The following ARID1A variants were observed in gnomAD, a reference collection of about 807,000 sequenced individuals.
ARID1A encodes the protein AT-rich interaction domain 1A, also known as AT-rich interactive domain-containing protein 1A.
Under a neutral mutation model 212.6 loss-of-function variants are expected in ARID1A, and 20 were observed. That is an observed-to-expected ratio of 0.09 (90% confidence interval 0.07 to 0.14). The LOEUF is 0.14. Ranked by LOEUF, ARID1A falls within the 10% of genes least tolerant of loss-of-function variation. The pLI, the probability that ARID1A is intolerant of heterozygous loss-of-function variation, is 1.00. For synonymous variants in ARID1A, 1,376 were observed against 1,222.1 expected, an observed-to-expected ratio of 1.13 and a Z score of -2.63; for missense variants, 2,587 against 3,059.0, an observed-to-expected ratio of 0.85 and a Z score of 3.64.
chr1:26,727,390 T>C (rs1438994971), intron 1 of ARID1A, among the ~76,000 whole-genome samples: 1 of 152,234 alleles, frequency 6.6e-6, no homozygotes, highest in African/African-American at 2.4e-5. Context: ...CATGTAGTTA[T>C]GTGAATTTAA....
At chr1:26,730,826 T>C (rs1451750337) in intron 2 of ARID1A, among the ~76,000 whole-genome samples, 4 of 152,198 alleles carry the variant, frequency 2.6e-5, no homozygotes, top group East Asian at 3.8e-4. Flanking sequence ...CTAACACTTA[T>C]AAAAACAGTC....
In ARID1A at chr1:26,736,634, A is replaced by G. The variant is rs988703720; in HGVS notation, c.1920+3842A>G. Among the ~76,000 whole-genome samples, 12 of 150,054 alleles carry G rather than the reference A, an allele frequency of 8.0e-5. 1 individual carries two copies. Among genetic ancestry groups the G allele is most frequent in the African/African-American group, 1.5e-4 (6 of 40,836 alleles). ...ACAGAGAGAGACTCTGTCTCAAAAAAAAAAAAAAAAAAGGGCACAGTGGCT... is the reference window on the plus strand; with the variant it reads ...ACAGAGAGAGACTCTGTCTCAAAAAGAAAAAAAAAAAAGGGCACAGTGGCT... On this transcript the variant is annotated intron_variant, in intron 4 of 19. Transcript: ENST00000324856.
At chr1:26,725,223 T>C (rs2080605283) in intron 1 of ARID1A, among the ~76,000 whole-genome samples, 1 of 152,216 alleles carries the variant, frequency 6.6e-6, no homozygotes, top group Non-Finnish European at 1.5e-5. Flanking sequence ...ATCCCCTGCC[T>C]TGTGCCTGCA....
At chr1:26,727,995 T>TA (rs570076420) in intron 1 of ARID1A, 2 of 152,220 alleles carry the variant, frequency 1.3e-5, no homozygotes, top group Admixed American at 1.3e-4. Context: ...TAAGTAACCC[T>TA]AAAATCTATG....
At chr1:26,731,788 A>G (rs765745831) in intron 3 of ARID1A, among the ~76,000 whole-genome samples, 184 bp downstream of exon 3, 1 of 152,246 alleles carries the variant, frequency 6.6e-6, no homozygotes, top group Non-Finnish European at 1.5e-5. Flanking sequence ...TTAACTGCAT[A>G]AAGACCTGTA....
chr1:26,772,323 C>T, intron 12 of ARID1A, 177 bp from the exon 13 acceptor site: 1 of 863,818 alleles, frequency 1.2e-6, no homozygotes, highest in Non-Finnish European at 1.8e-6. Flanking sequence ...GCTACAAAAC[C>T]CTCAGATTCC....
At chr1:26,728,655 C>T (rs2080642402) in intron 1 of ARID1A, among the ~76,000 whole-genome samples, 1 of 152,100 alleles carries the variant, frequency 6.6e-6, no homozygotes, top group Non-Finnish European at 1.5e-5. Context: ...ATCTATTTCA[C>T]CCCCAATGTA....
At chr1:26,762,948 A>G in intron 7 of ARID1A, 25 bp from the exon 8 acceptor site, 1 of 1,553,258 alleles carries the variant, frequency 6.4e-7, no homozygotes, top group Non-Finnish European at 8.8e-7. Flanking sequence ...GTGACTAACC[A>G]AGTCTTGTCT....
chr1:26,764,676 C>T (rs899636688), intron 8 of ARID1A: 3 of 152,158 alleles, frequency 2.0e-5, no homozygotes, highest in African/African-American at 7.2e-5. Flanking sequence ...TGCATTGGGC[C>T]CCTCAAGAAA....
At chr1:26,711,678 TGGG>T (rs1056465467) in intron 1 of ARID1A, among the ~76,000 whole-genome samples, 1 of 152,188 alleles carries the variant, frequency 6.6e-6, no homozygotes, top group Non-Finnish European at 1.5e-5. Flanking sequence ...TTATAGGACT[TGGG>T]GGCTCCCTGC....
At position 26,697,556 on chromosome 1, in the gene ARID1A, G is replaced by T; in HGVS notation, c.1137+16G>T. 7.5e-7 allele frequency: 1 copy of T among 1,336,048 alleles called. No individual in the cohort carries two copies. The highest frequency in any genetic ancestry group is 9.5e-7 in the Non-Finnish European group (1 of 1,051,328). 82.8% of individuals were successfully genotyped at this position (1,336,048 alleles called of 1,614,324 possible). A position where few individuals can be genotyped will look rare whatever the true frequency, so the allele number is the denominator to read the frequency against. On this transcript the variant is annotated intron_variant, in intron 1 of 19. Coordinates refer to ENST00000324856, the MANE Select transcript of ARID1A (RefSeq NM_006015.6). Reference sequence around the variant, plus strand: ...GACCCCTCAGGTACACAGCTGAGTGGGGAGGGGGCTGGGGCGAGCGTGGTC... The same window carrying T: ...GACCCCTCAGGTACACAGCTGAGTGTGGAGGGGGCTGGGGCGAGCGTGGTC...
intron 4 of ARID1A, among the ~76,000 whole-genome samples, chr1:26,758,826 C>T (rs1009334669): frequency 1.3e-5 from 2 of 152,156 alleles, no homozygotes; most frequent in Non-Finnish European, 2.9e-5. Context: ...GCATACCTGG[C>T]CTACTTCTTA....
At chr1:26,712,244 C>G (rs953104516) in intron 1 of ARID1A, among the ~76,000 whole-genome samples, 7 of 152,200 alleles carry the variant, frequency 4.6e-5, no homozygotes, top group Non-Finnish European at 1.0e-4. Context: ...GCTGTCTGAT[C>G]TGAGAACAGG....
chr1:26,720,939 G>C (rs1369149877), intron 1 of ARID1A, among the ~76,000 whole-genome samples: 1 of 152,020 alleles, frequency 6.6e-6, no homozygotes, highest in Non-Finnish European at 1.5e-5. Context: ...AATCTGGAGG[G>C]TAGAATTGGA....
intron 1 of ARID1A, among the ~76,000 whole-genome samples, chr1:26,725,788 T>G (rs978390169): frequency 6.6e-6 from 1 of 152,050 alleles, no homozygotes; most frequent in African/African-American, 2.4e-5. Context: ...GTCCTTAGCC[T>G]TTTGTTTTTA....
intron 1 of ARID1A, among the ~76,000 whole-genome samples, chr1:26,716,203 CAAAAAA>C (rs111787612): frequency 6.2e-5 from 4 of 64,920 alleles, no homozygotes; most frequent in Non-Finnish European, 6.2e-5. Context: ...GATTCCGTCT[CAAAAAA>C]AAAAAAAAAA....
intron 1 of ARID1A, among the ~76,000 whole-genome samples, chr1:26,702,080 G>A (rs2080336746): frequency 6.6e-6 from 1 of 152,134 alleles, no homozygotes. Context: ...GGAGCATTAA[G>A]CTCTCCAGAC....
chr1:26,696,803 G>T lies in ARID1A; in HGVS notation c.400G>T (p.Ala134Ser). The change falls in exon 1 of 20, where the codon GCG (alanine) becomes TCG (serine). Residue 134 changes from alanine to serine, a missense_variant. This residue lies in a region of ARID1A where 735 missense variants were observed against 590.6 expected (regional missense o/e 1.24). Transcript: ENST00000324856. ...GGGGSSDGVGAPPHSAAAALP... is the reference protein window; with the variant it reads ...GGGGSSDGVGSPPHSAAAALP... ...TGGCGGCAGCAGCGATGGGGTGGGGGCGCCTCCTCACTCAGCCGCGGCCGC... is the reference window on the plus strand; with the variant it reads ...TGGCGGCAGCAGCGATGGGGTGGGGTCGCCTCCTCACTCAGCCGCGGCCGC... 7.5e-7 allele frequency: 1 copy of T among 1,340,152 alleles called. No homozygotes were observed. Among genetic ancestry groups the T allele is most frequent in the Non-Finnish European group, 9.5e-7 (1 of 1,049,830 alleles). 83.0% of individuals were successfully genotyped at this position (1,340,152 alleles called of 1,614,324 possible). A position where few individuals can be genotyped will look rare whatever the true frequency, so the allele number is the denominator to read the frequency against.
chr1:26,775,909 A>G (rs2081130624), intron 19 of ARID1A: 1 of 783,394 alleles, frequency 1.3e-6, no homozygotes, highest in Non-Finnish European at 2.2e-6. Flanking sequence ...GATAACCTTA[A>G]CACAGGATTG....
Sources: allele counts gnomAD v4.1 joint callset (sites outside exome capture counted in the v4.1 genomes callset), GRCh38; gene constraint gnomAD v4.1.1; regional missense constraint gnomAD v4.1.1; transcripts MANE v1.5; gene names NCBI Gene and HGNC (gene_info 2026-07-23, HGNC 2026-07-21).